Variants in MITF observed in about 807,000 individuals in gnomAD.
The protein encoded by MITF is melanocyte inducing transcription factor.
In MITF, 17 loss-of-function variants were observed where a neutral mutation model predicts 60.5. The ratio of observed to expected loss-of-function variants is 0.28; its 90% CI spans 0.19 to 0.42. The LOEUF (loss-of-function observed/expected upper bound fraction) is 0.42. Among genes scored for constraint, MITF ranks in the 10% least tolerant of loss-of-function variants. The pLI, the probability that MITF is intolerant of heterozygous loss-of-function variation, is 1.00. For missense variants in MITF, 622 were observed against 683.5 expected (o/e 0.91, Z 1.00); for synonymous variants, 260 against 248.5 (o/e 1.05, Z -0.43).
intron 2 of MITF, among the ~76,000 whole-genome samples, chr3:69,886,082 C>G (rs973805568): frequency 6.6e-6 from 1 of 152,110 alleles, no homozygotes. Context: ...TAGTTGAACT[C>G]CATGGGCCAC....
intron 2 of MITF, among the ~76,000 whole-genome samples, chr3:69,889,037 T>G (rs1386703459): frequency 1.4e-5 from 2 of 145,960 alleles, no homozygotes; most frequent in Admixed American, 6.9e-5. Flanking sequence ...TTTTTTTTTT[T>G]TTTTTTTTTT....
At chr3:69,955,313 T>G (rs2066368856) in intron 7 of MITF, among the ~76,000 whole-genome samples, 1 of 152,204 alleles carries the variant, frequency 6.6e-6, no homozygotes, top group Non-Finnish European at 1.5e-5. Flanking sequence ...AATGTTTACG[T>G]TGATTGCCTG....
At chr3:69,952,889 A>G (rs1180092929) in intron 7 of MITF, among the ~76,000 whole-genome samples, 2 of 152,172 alleles carry the variant, frequency 1.3e-5, no homozygotes, top group Admixed American at 6.5e-5. Context: ...CAAATTGCAT[A>G]GTATTTTATA....
intron 1 of MITF, among the ~76,000 whole-genome samples, chr3:69,855,304 T>A (rs1027480360): frequency 4.0e-4 from 59 of 149,040 alleles, no homozygotes; most frequent in Admixed American, 6.0e-4. Flanking sequence ...AAAGTACATA[T>A]CTTTTTGAAA....
chr3:69,767,079 C>A (rs1575683112), intron 1 of MITF, among the ~76,000 whole-genome samples: 1 of 152,130 alleles, frequency 6.6e-6, no homozygotes, highest in East Asian at 1.9e-4. Context: ...TGGGTCTAGA[C>A]AGTATTCTTC....
At chr3:69,899,617 A>G (rs2064954064) in intron 2 of MITF, among the ~76,000 whole-genome samples, 1 of 152,190 alleles carries the variant, frequency 6.6e-6, no homozygotes, top group Non-Finnish European at 1.5e-5. Flanking sequence ...GTGTGGAGTC[A>G]TCTAAGCTCT....
intron 2 of MITF, among the ~76,000 whole-genome samples, chr3:69,909,002 T>C (rs2065161894): frequency 1.3e-5 from 2 of 152,174 alleles, no homozygotes; most frequent in Non-Finnish European, 1.5e-5. Context: ...TAAGTTCTAT[T>C]AGGTTTTTTT....
chr3:69,902,211 T>C (rs2065008325), intron 2 of MITF, among the ~76,000 whole-genome samples: 1 of 152,182 alleles, frequency 6.6e-6, no homozygotes, highest in Non-Finnish European at 1.5e-5. Flanking sequence ...ATCCTTTGTT[T>C]AGTTTTTCTT....
intron 2 of MITF, among the ~76,000 whole-genome samples, chr3:69,917,937 A>G (rs1433105791): frequency 6.6e-6 from 1 of 152,220 alleles, no homozygotes; most frequent in Non-Finnish European, 1.5e-5. Flanking sequence ...TTTGATCAAT[A>G]GAAAGACAAA....
intron 2 of MITF, among the ~76,000 whole-genome samples, chr3:69,889,664 A>C (rs952860946): frequency 2.0e-5 from 3 of 152,122 alleles, no homozygotes; most frequent in Non-Finnish European, 4.4e-5. Flanking sequence ...CCTCCAGCAC[A>C]TCCCCAATTT....
intron 1 of MITF, among the ~76,000 whole-genome samples, chr3:69,852,536 C>T (rs1344997610): frequency 6.6e-6 from 1 of 152,206 alleles, no homozygotes; most frequent in Non-Finnish European, 1.5e-5. Context: ...TGTATGATTA[C>T]ATCACCATTT....
chr3:69,846,945 C>T (rs1022750467), intron 1 of MITF, among the ~76,000 whole-genome samples: 2 of 151,886 alleles, frequency 1.3e-5, no homozygotes, highest in Admixed American at 1.3e-4. Flanking sequence ...AGGAATTTCT[C>T]TTTAATGATA....
chr3:69,801,097 G>A (rs1196973876), intron 1 of MITF, among the ~76,000 whole-genome samples: 3 of 143,614 alleles, frequency 2.1e-5, no homozygotes, highest in Non-Finnish European at 4.5e-5. Context: ...TTCCTTATAT[G>A]CTGTTACCGT....
At chr3:69,747,280 C>A (rs777717451) in intron 1 of MITF, among the ~76,000 whole-genome samples, 6 of 152,134 alleles carry the variant, frequency 3.9e-5, no homozygotes, top group Non-Finnish European at 7.4e-5. Context: ...TTAAATGGAG[C>A]ATTATTGGTA....
intron 1 of MITF, among the ~76,000 whole-genome samples, chr3:69,819,659 C>CA (rs1220020321): frequency 2.0e-5 from 3 of 151,696 alleles, no homozygotes; most frequent in Admixed American, 6.6e-5. Flanking sequence ...ACAAAAACTA[C>CA]AAAAAAACCA....
intron 1 of MITF, among the ~76,000 whole-genome samples, chr3:69,779,873 T>C (rs545457831): frequency 6.6e-6 from 1 of 152,266 alleles, no homozygotes; most frequent in East Asian, 1.9e-4. Flanking sequence ...ATCCATGATA[T>C]GCTGAAGTCT....
chr3:69,778,315 G>A (rs1271014980), intron 1 of MITF, among the ~76,000 whole-genome samples: 1 of 152,132 alleles, frequency 6.6e-6, no homozygotes, highest in Non-Finnish European at 1.5e-5. Context: ...TATAATAGAT[G>A]AGTATAGTCA....
intron 1 of MITF, among the ~76,000 whole-genome samples, chr3:69,783,329 A>G (rs1376197635): frequency 6.6e-6 from 1 of 151,872 alleles, no homozygotes; most frequent in East Asian, 1.9e-4. Context: ...AATGTGATAG[A>G]CTCTTCTAAT....
At chr3:69,830,148 C>A (rs2063421691) in intron 1 of MITF, among the ~76,000 whole-genome samples, 1 of 152,052 alleles carries the variant, frequency 6.6e-6, no homozygotes, top group Non-Finnish European at 1.5e-5. Context: ...GGGTGAGGTT[C>A]CCTTGCTTTC....
Sources: gnomAD v4.1 joint callset for allele counts (sites outside exome capture counted in the v4.1 genomes callset) on GRCh38, gnomAD v4.1.1 for gene constraint, MANE v1.5 for transcripts, NCBI Gene and HGNC (gene_info 2026-07-23, HGNC 2026-07-21) for gene names.